Variants in AGPAT3 observed in about 807,000 individuals in gnomAD.
AGPAT3 encodes the protein 1-acylglycerol-3-phosphate O-acyltransferase 3.
AGPAT3 carries 5 observed loss-of-function variants against 47.3 expected under a neutral mutation model. The observed-to-expected ratio is 0.11, with a 90% CI of 0.06 to 0.22. The LOEUF is 0.22. Among genes scored for constraint, AGPAT3 ranks in the 10% least tolerant of loss-of-function variants. AGPAT3 has a pLI of 1.00. For synonymous variants in AGPAT3, 212 were observed against 208.3 expected (o/e 1.02, Z -0.15); for missense variants, 315 against 493.0 (o/e 0.64, Z 3.42).
At chr21:43,947,532 C>T (rs1251559155) in intron 2 of AGPAT3, among the ~76,000 whole-genome samples, 1 of 152,168 alleles carries the variant, frequency 6.6e-6, no homozygotes, top group Non-Finnish European at 1.5e-5. Context: ...CATCTCGGGC[C>T]CGTCCAGTGT....
chr21:43,904,345 G>A (rs930177416), intron 2 of AGPAT3, among the ~76,000 whole-genome samples: 5 of 152,174 alleles, frequency 3.3e-5, no homozygotes, highest in Admixed American at 6.5e-5. Flanking sequence ...AGGGCACAGC[G>A]GACATGGGAG....
chr21:43,979,514 C>T (rs377327107), intron 8 of AGPAT3, among the ~76,000 whole-genome samples: 10 of 152,120 alleles, frequency 6.6e-5, no homozygotes, highest in South Asian at 2.1e-4. Context: ...TCATTCAAGG[C>T]GGGACGTTAG....
At chr21:43,923,589 A>G (rs2086960264) in intron 2 of AGPAT3, among the ~76,000 whole-genome samples, 3 of 152,200 alleles carry the variant, frequency 2.0e-5, no homozygotes, top group African/African-American at 7.2e-5. Context: ...TCCATGACCC[A>G]ACTGGCTGGA....
At chr21:43,873,502 C>T (rs1011885899) in intron 1 of AGPAT3, among the ~76,000 whole-genome samples, 2 of 152,004 alleles carry the variant, frequency 1.3e-5, no homozygotes, top group Admixed American at 6.6e-5. Flanking sequence ...CTCAGCCTCC[C>T]GAGTAGCTGG....
intron 2 of AGPAT3, among the ~76,000 whole-genome samples, chr21:43,947,304 C>T (rs1004849879): frequency 6.6e-6 from 1 of 152,258 alleles, no homozygotes; most frequent in African/African-American, 2.4e-5. Flanking sequence ...AGCTTCTCGC[C>T]CTCTTCAGAA....
At chr21:43,875,346 G>C (rs1420314986) in intron 1 of AGPAT3, among the ~76,000 whole-genome samples, 1 of 152,134 alleles carries the variant, frequency 6.6e-6, no homozygotes, top group Non-Finnish European at 1.5e-5. Context: ...GCAAATTCAA[G>C]TTTTGCTTTT....
rs1416323099 is a variant in AGPAT3 at position 43,967,871 on chromosome 21, G to A, written c.179-75G>A. On this transcript the variant is annotated intron_variant, in intron 3 of 9. Transcript: ENST00000291572. ...CTCTCTGGACAAAAATACTGTAGGT[G>A]TCTCCTGTGGGCGCTCCCTGACCAT... The A allele has an allele frequency of 4.8e-6, 7 of 1,464,190 alleles. No homozygotes were observed. In the South Asian group the frequency reaches 6.3e-5, roughly 13 times the overall value. 90.7% of individuals were successfully genotyped at this position (1,464,190 alleles called of 1,614,324 possible).
At position 43,952,248 on chromosome 21, in the gene AGPAT3, C is replaced by T. The variant is rs561975957; in HGVS notation, c.-48-7386C>T. ...AGGATTCCTTCTGAGGCTTCTCACC[C>T]GGGCTCTGACTGCAGGCGGTCTCCC... On this transcript the variant is annotated intron_variant, in intron 2 of 9. Coordinates refer to ENST00000291572, the MANE Select transcript of AGPAT3 (RefSeq NM_020132.5). This position sits in a 1 kb window ranked among gnomAD's most constrained non-coding sequence, Gnocchi z 5.6. 2.9e-4 allele frequency among the ~76,000 whole-genome samples: 44 copies of T among 152,250 alleles called. No homozygotes were observed. In the South Asian group the frequency reaches 9.1e-3, roughly 32 times the overall value.
chr21:43,865,252 C>G lies in AGPAT3; in HGVS notation c.-205C>G, dbSNP rs2085477106. On this transcript the variant is annotated 5_prime_UTR_variant, in exon 1 of 10. Coordinates refer to ENST00000291572, the MANE Select transcript of AGPAT3 (RefSeq NM_020132.5). ...GCTGAGGCCCCGACGCAGGGCCGGG[C>G]CGGGCCCAGGGCCGAGGAGCGCGGC... 6.8e-6 allele frequency: 1 copy of G among 147,260 alleles called. No individual in the cohort carries two copies. Among genetic ancestry groups the G allele is most frequent in the African/African-American group, 2.4e-5 (1 of 40,842 alleles). The allele number at this position is 147,260 out of a possible 1,614,324, so 9.1% of individuals were successfully genotyped here. A position where few individuals can be genotyped will look rare whatever the true frequency, so the allele number is the denominator to read the frequency against.
At chr21:43,883,112 G>A (rs186015455) in intron 1 of AGPAT3, among the ~76,000 whole-genome samples, 89 of 152,386 alleles carry the variant, frequency 5.8e-4, no homozygotes, top group Non-Finnish European at 1.1e-3. Flanking sequence ...TACACACAGA[G>A]TTGCTCCTTC....
intron 7 of AGPAT3, among the ~76,000 whole-genome samples, chr21:43,975,306 TGTA>T (rs1310257578): frequency 6.0e-5 from 9 of 149,620 alleles, no homozygotes; most frequent in East Asian, 2.0e-4. Context: ...TGTGCTGGCA[TGTA>T]GTGTGCTGGC....
intron 7 of AGPAT3, among the ~76,000 whole-genome samples, chr21:43,975,329 C>T (rs577462149): frequency 9.2e-5 from 13 of 141,558 alleles, no homozygotes; most frequent in South Asian, 9.1e-4. Flanking sequence ...CGTGTGCTGG[C>T]GTGTGGTATG....
chr21:43,916,117 C>T (rs533134436), intron 2 of AGPAT3, among the ~76,000 whole-genome samples: 1 of 152,184 alleles, frequency 6.6e-6, no homozygotes, highest in South Asian at 2.1e-4. Context: ...TTAATTATTA[C>T]TTGGTATTGG....
At chr21:43,940,203 A>G (rs1355414635) in intron 2 of AGPAT3, among the ~76,000 whole-genome samples, 1 of 152,234 alleles carries the variant, frequency 6.6e-6, no homozygotes, top group Non-Finnish European at 1.5e-5. Context: ...TGCTCCCCGC[A>G]GGTCCTTCTC....
chr21:43,917,466 C>T (rs1439835395), intron 2 of AGPAT3, among the ~76,000 whole-genome samples: 1 of 152,228 alleles, frequency 6.6e-6, no homozygotes, highest in African/African-American at 2.4e-5. Context: ...TTAAGTTCTG[C>T]CTCTGTGTGA....
intron 2 of AGPAT3, among the ~76,000 whole-genome samples, chr21:43,912,162 T>A (rs976155247): frequency 2.6e-5 from 4 of 152,248 alleles, no homozygotes; most frequent in Admixed American, 6.5e-5. Flanking sequence ...AGGAGGTGTG[T>A]CCATGGCAAC....
chr21:43,948,264 G>C (rs534704724), intron 2 of AGPAT3: 2 of 152,202 alleles, frequency 1.3e-5, no homozygotes, highest in Non-Finnish European at 2.9e-5. Context: ...ATGGTTTCAC[G>C]CTCCCACAGT....
chr21:43,920,457 G>C lies in AGPAT3; in HGVS notation c.-49+16438G>C, dbSNP rs920467383. On this transcript the variant is annotated intron_variant, in intron 2 of 9. Transcript: ENST00000291572. This position sits in a 1 kb window ranked among gnomAD's most constrained non-coding sequence, Gnocchi z 6.1. ...GCACACAGCTCCTACAACCTTTAGT[G>C]CTGAGTGTCTTTTTTTTTGCTAATG... is the stretch of plus-strand genomic sequence containing the variant. 2.6e-5 allele frequency among the ~76,000 whole-genome samples: 4 copies of C among 152,156 alleles called. No individual in the cohort carries two copies. Among genetic ancestry groups the C allele is most frequent in the Non-Finnish European group, 5.9e-5 (4 of 68,022 alleles).
At chr21:43,909,029 C>G (rs1039330789) in intron 2 of AGPAT3, among the ~76,000 whole-genome samples, 3 of 152,208 alleles carry the variant, frequency 2.0e-5, no homozygotes, top group African/African-American at 7.2e-5. Context: ...GCGGGCCTCA[C>G]CTGAATAGGA....
Sources: gnomAD v4.1 joint callset for allele counts (sites outside exome capture counted in the v4.1 genomes callset) on GRCh38, gnomAD v4.1.1 for gene constraint, Gnocchi (gnomAD v3.1) non-coding constraint, MANE v1.5 for transcripts, NCBI Gene and HGNC (gene_info 2026-07-23, HGNC 2026-07-21) for gene names.